PPARGC1B: variants seen among roughly 807,000 people sequenced by gnomAD.
PPARGC1B encodes peroxisome proliferator-activated receptor gamma coactivator 1-beta.
In PPARGC1B, 34 loss-of-function variants were observed where a neutral mutation model predicts 101.6. The observed-to-expected ratio is 0.33, with a 90% CI of 0.25 to 0.45. PPARGC1B has a LOEUF of 0.45. Ranked by LOEUF, PPARGC1B falls within the 20% of genes least tolerant of loss-of-function variation. The pLI, the probability that PPARGC1B is intolerant of heterozygous loss-of-function variation, is 1.00. For synonymous variants in PPARGC1B, 548 were observed against 539.3 expected (o/e 1.02, Z -0.22); for missense variants, 1,234 against 1,317.6 (o/e 0.94, Z 0.98).
downstream of PPARGC1B, among the ~76,000 whole-genome samples, chr5:149,856,426 A>C (rs1246532600): frequency 6.6e-6 from 1 of 152,172 alleles, no homozygotes; most frequent in Non-Finnish European, 1.5e-5. Flanking sequence ...AAGCTTCAGG[A>C]GAACAGGCCT....
intron 2 of PPARGC1B, among the ~76,000 whole-genome samples, 167 bp downstream of exon 2, chr5:149,820,773 C>T (rs897755869): frequency 6.6e-6 from 1 of 152,224 alleles, no homozygotes; most frequent in Non-Finnish European, 1.5e-5. Context: ...GGCCCCTGAT[C>T]TGGCGCAGCG....
rs376135854 is a variant in PPARGC1B, at chr5:149,819,066, G to T, written c.79-1367G>T. Reference sequence around the variant, plus strand: ...TAACCATTAAACTGGGGAGACCAGGGTGAGAAATTGATTGGCTTCTGATTC... The same window carrying T: ...TAACCATTAAACTGGGGAGACCAGGTTGAGAAATTGATTGGCTTCTGATTC... On this transcript the variant is annotated intron_variant, in intron 1 of 11. Coordinates refer to ENST00000309241, the MANE Select transcript of PPARGC1B (RefSeq NM_133263.4). 1.1e-4 allele frequency among the ~76,000 whole-genome samples: 16 copies of T among 152,350 alleles called. No homozygotes were observed. In the East Asian group the frequency reaches 1.2e-3, roughly 11 times the overall value.
chr5:149,766,387 C>CT (rs1561859848), intron 1 of PPARGC1B, among the ~76,000 whole-genome samples: 1 of 152,166 alleles, frequency 6.6e-6, no homozygotes, highest in East Asian at 1.9e-4. Context: ...CTAGGGCAGA[C>CT]AGCTTGACTA....
intron 7 of PPARGC1B, among the ~76,000 whole-genome samples, chr5:149,835,762 C>T (rs952548864): frequency 6.6e-6 from 1 of 152,072 alleles, no homozygotes; most frequent in Admixed American, 6.6e-5. Flanking sequence ...TTCCAGCTGC[C>T]ATTAGTAGGT....
Position 149,761,219 on chromosome 5 carries a change from C to A in PPARGC1B, c.78+30799C>A, listed in dbSNP as rs114131519. On this transcript the variant is annotated intron_variant, in intron 1 of 11. Transcript: ENST00000309241. ...ATCAAGCTAATTAACATATCCAACA[C>A]CTCACACAGTTATCTTTGTGTGTGT... Among the ~76,000 whole-genome samples, 1,199 of 152,280 alleles carry A rather than the reference C, an allele frequency of 7.9e-3. 17 individuals carry two copies. The highest frequency in any genetic ancestry group is 0.027 in the African/African-American group (1,140 of 41,540).
chr5:149,842,372 TAGG>T lies in PPARGC1B; in HGVS notation c.2815_2816+1del. ...AGGAGTGCGAGGTGCTGACAAGAAA[TAGG>T]AGGTGAGTTGAACCAAGCCATGGCA... On this transcript the variant is annotated inframe_deletion and splice_region_variant, in exon 10 of 12. Transcript: ENST00000309241. The T allele has an allele frequency of 1.2e-6, 2 of 1,612,938 alleles. No homozygotes were observed. Among genetic ancestry groups the T allele is most frequent in the Non-Finnish European group, 1.7e-6 (2 of 1,179,424 alleles).
At chr5:149,855,678 C>T (rs1399173477), downstream of PPARGC1B, among the ~76,000 whole-genome samples, 1 of 152,134 alleles carries the variant, frequency 6.6e-6, no homozygotes, top group Non-Finnish European at 1.5e-5. Context: ...CTCTCAGTTG[C>T]GTGCCTGTGT....
chr5:149,747,470 G>A (rs1326009401), intron 1 of PPARGC1B, among the ~76,000 whole-genome samples: 1 of 152,218 alleles, frequency 6.6e-6, no homozygotes, highest in African/African-American at 2.4e-5. Flanking sequence ...GTGGGGCTTG[G>A]GGACATAGCT....
chr5:149,838,038 G>A (rs1011218500), intron 8 of PPARGC1B, among the ~76,000 whole-genome samples: 1 of 152,172 alleles, frequency 6.6e-6, no homozygotes, highest in Non-Finnish European at 1.5e-5. Context: ...TGATGACATT[G>A]CTAGAGTATC....
rs1341401276 is a variant in PPARGC1B at position 149,832,336 on chromosome 5, C to A, written c.583-320C>A. On this transcript the variant is annotated intron_variant, in intron 4 of 11. Coordinates refer to ENST00000309241, the MANE Select transcript of PPARGC1B (RefSeq NM_133263.4). This position sits in a 1 kb window ranked among gnomAD's most constrained non-coding sequence, Gnocchi z 4.9. ...CTCCAGGCTACCATGAACCTACTGC[C>A]CGGCTCTTGGCTGAGGGGTACGGAG... Among the ~76,000 whole-genome samples, 1 of 152,128 alleles carries A rather than the reference C, an allele frequency of 6.6e-6. No individual in the cohort carries two copies. The highest frequency in any genetic ancestry group is 1.9e-4 in the East Asian group (1 of 5,198).
chr5:149,814,264 C>T (rs1415247248), intron 1 of PPARGC1B, among the ~76,000 whole-genome samples: 1 of 152,236 alleles, frequency 6.6e-6, no homozygotes, highest in East Asian at 1.9e-4. Context: ...GGCTTCCTTC[C>T]ATCTCAAGAC....
chr5:149,764,903 C>T (rs918708349), intron 1 of PPARGC1B, among the ~76,000 whole-genome samples: 1 of 152,220 alleles, frequency 6.6e-6, no homozygotes, highest in African/African-American at 2.4e-5. Context: ...ATCTCTGAGC[C>T]TCCAAGCATG....
chr5:149,826,699 G>C lies in PPARGC1B; in HGVS notation c.279G>C (p.Leu93=). Residue 93 remains leucine (L), a synonymous_variant, in exon 3 of 12, where the codon CTG becomes CTC. Coordinates refer to ENST00000309241, the MANE Select transcript of PPARGC1B (RefSeq NM_133263.4). ...TTGACAGTGAGAATGAGGCCCTCCTGGCAGAGCTCACCAAGACCCTGGATG... is the reference window on the plus strand; with the variant it reads ...TTGACAGTGAGAATGAGGCCCTCCTCGCAGAGCTCACCAAGACCCTGGATG... ...FQIDSENEAL[L]AELTKTLDDI... 1 of 1,614,056 alleles carries C rather than the reference G, an allele frequency of 6.2e-7. No homozygotes were observed. The highest frequency in any genetic ancestry group is 1.1e-5 in the South Asian group (1 of 91,080).
Position 149,852,078 on chromosome 5 carries a change from AGT to A in PPARGC1B, c.*4522_*4523del, listed in dbSNP as rs1043255952. The A allele has an allele frequency of 6.6e-6, 1 of 152,312 alleles. No individual in the cohort carries two copies. The highest frequency in any genetic ancestry group is 2.4e-5 in the African/African-American group (1 of 41,456). 9.4% of individuals were successfully genotyped at this position (152,312 alleles called of 1,614,324 possible). ...TGGAGATGTCAGCAGCAGGAGAGCC[AGT>A]GCTGGGGCCAACCCTTTGCTGGCCT... On this transcript the variant is annotated 3_prime_UTR_variant, in exon 12 of 12. Transcript: ENST00000309241.
chr5:149,782,104 G>C (rs147952514), intron 1 of PPARGC1B, among the ~76,000 whole-genome samples: 1 of 151,998 alleles, frequency 6.6e-6, no homozygotes, highest in African/African-American at 2.4e-5. Context: ...AGAGAGGGGA[G>C]ATTAAGAGAA....
intron 1 of PPARGC1B, among the ~76,000 whole-genome samples, chr5:149,777,422 C>T (rs530601914): frequency 6.6e-5 from 10 of 152,224 alleles, no homozygotes; most frequent in African/African-American, 2.4e-4. Flanking sequence ...AGCCACCACC[C>T]CCTGGGCCAT....
intron 1 of PPARGC1B, chr5:149,732,954 G>A (rs1299328236): frequency 3.8e-6 from 1 of 261,492 alleles, no homozygotes; most frequent in Non-Finnish European, 8.7e-6. Context: ...TGAACTCTCC[G>A]AGCCTCATTT....
intron 1 of PPARGC1B, among the ~76,000 whole-genome samples, chr5:149,808,506 G>C (rs1006158036): frequency 6.6e-6 from 1 of 151,220 alleles, no homozygotes; most frequent in African/African-American, 2.4e-5. Flanking sequence ...CAGGTGGTTT[G>C]TGTGATCATG....
chr5:149,840,010 G>T (rs1246885846), intron 8 of PPARGC1B, 31 bp from the exon 9 acceptor site: 1 of 1,610,844 alleles, frequency 6.2e-7, no homozygotes, highest in South Asian at 1.1e-5. Flanking sequence ...TCCCGAGAGT[G>T]AGTGCCTCTG....
Sources: allele counts gnomAD v4.1 joint callset (sites outside exome capture counted in the v4.1 genomes callset), GRCh38; gene constraint gnomAD v4.1.1; non-coding constraint Gnocchi (gnomAD v3.1); transcripts MANE v1.5; gene names NCBI Gene and HGNC (gene_info 2026-07-23, HGNC 2026-07-21).